GALNT13: variants seen among roughly 807,000 people sequenced by gnomAD.
GALNT13 encodes UDP-GalNAc:polypeptide N-acetylgalactosaminyltransferase 13.
A neutral mutation model predicts 64.2 loss-of-function variants in GALNT13; 28 were observed. The ratio of observed to expected loss-of-function variants is 0.44; its 90% CI spans 0.32 to 0.60. The LOEUF (loss-of-function observed/expected upper bound fraction) is 0.60, where lower values mean the gene tolerates loss of function less well. Ranked by LOEUF, GALNT13 falls within the 20% of genes least tolerant of loss-of-function variation. The pLI is 0.05. For synonymous variants in GALNT13, 214 were observed against 224.6 expected (o/e 0.95, Z 0.42); for missense variants, 577 against 669.8 (o/e 0.86, Z 1.53).
the GALNT13 span, chr2:153,173,133 A>G: frequency 4.6e-5 from 7 of 152,080 alleles, no homozygotes; most frequent in Non-Finnish European, 8.8e-5. Context: ...CCAAACAGCA[A>G]TTGGGCTAAA....
intron 3 of GALNT13, among the ~76,000 whole-genome samples, chr2:153,988,057 CAT>C (rs149702413): frequency 0.043 from 5,015 of 117,954 alleles, 159 homozygotes; most frequent in African/African-American, 0.078. Context: ...TAGGAGGTGA[CAT>C]ATATATATAT....
At chr2:153,410,979 C>T in the GALNT13 span, among the ~76,000 whole-genome samples, 12 of 151,808 alleles carry the variant, frequency 7.9e-5, no homozygotes, top group Non-Finnish European at 1.5e-4. Flanking sequence ...AAACCATCCT[C>T]TCACCTCCCT....
chr2:153,555,102 A>G, the GALNT13 span, among the ~76,000 whole-genome samples: 25,790 of 151,196 alleles, frequency 0.17, 2,340 homozygotes, highest in South Asian at 0.25. Context: ...AACTTGTATG[A>G]GTGGAGTAGA....
the GALNT13 span, among the ~76,000 whole-genome samples, chr2:153,772,014 C>G: frequency 6.6e-6 from 1 of 152,218 alleles, no homozygotes; most frequent in Non-Finnish European, 1.5e-5. Context: ...CTGTCTCTGG[C>G]TGCAAATCCC....
the GALNT13 span, among the ~76,000 whole-genome samples, chr2:153,572,472 C>A: frequency 4.7e-5 from 7 of 147,526 alleles, no homozygotes; most frequent in African/African-American, 1.7e-4. Flanking sequence ...TATTTATTTT[C>A]TTCTCATAAT....
chr2:154,351,296 G>C (rs746192566), intron 9 of GALNT13, among the ~76,000 whole-genome samples: 9 of 152,070 alleles, frequency 5.9e-5, no homozygotes, highest in Non-Finnish European at 1.3e-4. Context: ...TTTGTCATTT[G>C]GAAATATGAA....
the GALNT13 span, among the ~76,000 whole-genome samples, chr2:153,561,141 A>G: frequency 6.6e-6 from 1 of 151,128 alleles, no homozygotes; most frequent in African/African-American, 2.4e-5. Flanking sequence ...TAGCCAGTTT[A>G]CTAAACTCTT....
chr2:154,407,671 A>ATTCAGTG (rs1699611678), intron 10 of GALNT13, among the ~76,000 whole-genome samples: 1 of 151,944 alleles, frequency 6.6e-6, no homozygotes, highest in Non-Finnish European at 1.5e-5. Flanking sequence ...GTCTTTTTTA[A>ATTCAGTG]TGGGTTGCTG....
the GALNT13 span, among the ~76,000 whole-genome samples, chr2:153,858,683 A>G: frequency 6.6e-6 from 1 of 152,096 alleles, no homozygotes; most frequent in African/African-American, 2.4e-5. Flanking sequence ...TATCATTGGT[A>G]TGCCTGTATA....
At chr2:154,356,158 C>G (rs896136333) in intron 9 of GALNT13, among the ~76,000 whole-genome samples, 1 of 152,024 alleles carries the variant, frequency 6.6e-6, no homozygotes, top group African/African-American at 2.4e-5. Context: ...TGTTTTTTGA[C>G]AAAGTTATCT....
At chr2:153,353,222 G>A in the GALNT13 span, among the ~76,000 whole-genome samples, 2 of 152,024 alleles carry the variant, frequency 1.3e-5, no homozygotes, top group African/African-American at 4.8e-5. Flanking sequence ...GGATGCTAAT[G>A]TAAATGTTTT....
At chr2:153,470,264 A>G in the GALNT13 span, among the ~76,000 whole-genome samples, 4 of 152,052 alleles carry the variant, frequency 2.6e-5, no homozygotes, top group Non-Finnish European at 4.4e-5. Context: ...ATGAGGATGC[A>G]TGGCCTTGTA....
chr2:153,085,439 C>G, the GALNT13 span, among the ~76,000 whole-genome samples: 1 of 152,094 alleles, frequency 6.6e-6, no homozygotes. Flanking sequence ...TTTTGTGGGC[C>G]AGCCCCCAGG....
the GALNT13 span, among the ~76,000 whole-genome samples, chr2:153,743,489 T>G: frequency 1.3e-5 from 2 of 150,724 alleles, no homozygotes; most frequent in African/African-American, 4.9e-5. Flanking sequence ...GAACCTACTT[T>G]ATTTCAAGAG....
At chr2:153,906,964 T>A (rs1487794355) in intron 2 of GALNT13, among the ~76,000 whole-genome samples, 1 of 151,926 alleles carries the variant, frequency 6.6e-6, no homozygotes, top group Non-Finnish European at 1.5e-5. Flanking sequence ...GGTATCTCAT[T>A]GTGGTTTTGA....
chr2:153,619,826 C>T, the GALNT13 span, among the ~76,000 whole-genome samples: 18 of 152,194 alleles, frequency 1.2e-4, 1 homozygote, highest in African/African-American at 4.3e-4. Flanking sequence ...TTTTGGATCT[C>T]TATTGTAGGT....
intron 3 of GALNT13, among the ~76,000 whole-genome samples, chr2:153,959,024 G>C (rs1398050832): frequency 6.6e-6 from 1 of 152,226 alleles, no homozygotes; most frequent in East Asian, 1.9e-4. Context: ...GCACTTGTTA[G>C]AAAGCACACA....
the GALNT13 span, among the ~76,000 whole-genome samples, chr2:153,377,511 A>G: frequency 6.6e-6 from 1 of 152,018 alleles, no homozygotes; most frequent in Admixed American, 6.6e-5. Flanking sequence ...TCACTCTGTT[A>G]GTTTCTGAAC....
the GALNT13 span, among the ~76,000 whole-genome samples, chr2:153,170,273 T>C: frequency 7.9e-3 from 1,209 of 152,292 alleles, 11 homozygotes; most frequent in African/African-American, 0.027. Flanking sequence ...TTGGTTGATA[T>C]AATAATATAT....
Sources: gnomAD v4.1 joint callset for allele counts (sites outside exome capture counted in the v4.1 genomes callset) on GRCh38, gnomAD v4.1.1 for gene constraint, MANE v1.5 for transcripts, NCBI Gene and HGNC (gene_info 2026-07-23, HGNC 2026-07-21) for gene names.